The following NRXN3 variants were observed in gnomAD, a reference collection of about 807,000 sequenced individuals.
NRXN3 encodes neurexin III.
Under a neutral mutation model 137.6 loss-of-function variants are expected in NRXN3, and 32 were observed. That is an observed-to-expected ratio of 0.23 (90% CI 0.18 to 0.31). The LOEUF is 0.31. Among genes scored for constraint, NRXN3 ranks in the 10% least tolerant of loss-of-function variants. The pLI is 1.00. For synonymous variants in NRXN3, 798 were observed against 784.5 expected (o/e 1.02, Z -0.29); for missense variants, 1,574 against 2,062.5 (o/e 0.76, Z 4.59).
intron 6 of NRXN3, among the ~76,000 whole-genome samples, chr14:78,659,198 T>C (rs1308352820): frequency 2.6e-5 from 4 of 152,104 alleles, no homozygotes; most frequent in African/African-American, 7.2e-5. Flanking sequence ...AGGGAGAAGA[T>C]AGCCATCTAC....
intron 15 of NRXN3, among the ~76,000 whole-genome samples, chr14:79,044,804 G>A (rs2099630515): frequency 6.8e-6 from 1 of 147,406 alleles, no homozygotes; most frequent in Admixed American, 7.0e-5. Context: ...CAAATCCGGG[G>A]CTTTCTGATT....
At chr14:79,509,574 T>C (rs1355378794) in intron 16 of NRXN3, among the ~76,000 whole-genome samples, 2 of 151,168 alleles carry the variant, frequency 1.3e-5, no homozygotes, top group African/African-American at 4.9e-5. Flanking sequence ...TGTATATATA[T>C]ATGTGTGTAT....
chr14:78,977,888 A>G (rs1192737614), intron 14 of NRXN3, among the ~76,000 whole-genome samples: 1 of 152,070 alleles, frequency 6.6e-6, no homozygotes, highest in Non-Finnish European at 1.5e-5. Flanking sequence ...ACATGTTACA[A>G]ATCAGTTTTA....
chr14:79,517,390 T>C (rs2097002861), intron 16 of NRXN3, among the ~76,000 whole-genome samples: 1 of 152,144 alleles, frequency 6.6e-6, no homozygotes, highest in Non-Finnish European at 1.5e-5. Flanking sequence ...GATGCAAATA[T>C]CCTTTTCCTC....
intron 20 of NRXN3, among the ~76,000 whole-genome samples, chr14:79,839,754 C>T (rs533541011): frequency 3.4e-4 from 52 of 152,292 alleles, no homozygotes; most frequent in African/African-American, 1.2e-3. Flanking sequence ...CCAATGTTCT[C>T]TTCTAGTAGT....
intron 4 of NRXN3, among the ~76,000 whole-genome samples, chr14:78,312,451 G>T (rs189800586): frequency 5.5e-4 from 84 of 152,222 alleles, no homozygotes; most frequent in African/African-American, 1.9e-3. Context: ...CATGTTGAGT[G>T]CAATAAAGAT....
rs150537746 is a variant in NRXN3, at chr14:78,540,260, C to T, written c.758-104860C>T. Among the ~76,000 whole-genome samples, 87 of 152,164 alleles carry T rather than the reference C, an allele frequency of 5.7e-4. 1 individual carries two copies. Among genetic ancestry groups the T allele is most frequent in the African/African-American group, 1.9e-3 (78 of 41,512 alleles). On this transcript the variant is annotated intron_variant, in intron 4 of 20. Coordinates refer to ENST00000335750, the MANE Select transcript of NRXN3 (RefSeq NM_001330195.2). ...GGAGTCTAAGTCTCTTTGTAGGTCT[C>T]GAAGGACTTGCCTTATGAATCTGGG...
At chr14:78,234,432 C>T (rs1044584538) in intron 1 of NRXN3, among the ~76,000 whole-genome samples, 5 of 152,210 alleles carry the variant, frequency 3.3e-5, no homozygotes, top group African/African-American at 1.2e-4. Context: ...ATCTGTTTCA[C>T]AGAGAAGACA....
chr14:79,785,323 G>A (rs181699208), intron 19 of NRXN3, among the ~76,000 whole-genome samples: 9 of 152,150 alleles, frequency 5.9e-5, no homozygotes, highest in Non-Finnish European at 7.4e-5. Flanking sequence ...ACCTCCTCTC[G>A]GTCCTCTTTG....
intron 14 of NRXN3, among the ~76,000 whole-genome samples, chr14:78,980,232 C>T (rs1490682477): frequency 6.6e-6 from 1 of 152,218 alleles, no homozygotes; most frequent in Non-Finnish European, 1.5e-5. Context: ...AAGGAATGGA[C>T]ATTGAGAAGA....
At chr14:79,257,169 A>T (rs1231463724) in intron 15 of NRXN3, among the ~76,000 whole-genome samples, 2 of 152,034 alleles carry the variant, frequency 1.3e-5, no homozygotes, top group African/African-American at 4.8e-5. Context: ...GAAGGCAGGG[A>T]GGGCGAGGGG....
intron 4 of NRXN3, among the ~76,000 whole-genome samples, chr14:78,370,023 T>A (rs2086572601): frequency 6.6e-6 from 1 of 152,170 alleles, no homozygotes; most frequent in Admixed American, 6.5e-5. Flanking sequence ...GAGGTTCGTC[T>A]TTTTCCCTGG....
intron 15 of NRXN3, among the ~76,000 whole-genome samples, chr14:79,228,454 T>C (rs2071484063): frequency 6.6e-6 from 1 of 152,196 alleles, no homozygotes; most frequent in Admixed American, 6.5e-5. Context: ...CAACAGATGT[T>C]GCAATGCCAA....
intron 2 of NRXN3, among the ~76,000 whole-genome samples, chr14:78,262,772 T>C (rs2070983236): frequency 6.6e-6 from 1 of 152,042 alleles, no homozygotes; most frequent in Non-Finnish European, 1.5e-5. Context: ...CTTAGAGGAG[T>C]AGTGGAAAAT....
chr14:79,115,636 C>G (rs2054312068), intron 15 of NRXN3, among the ~76,000 whole-genome samples: 1 of 152,012 alleles, frequency 6.6e-6, no homozygotes, highest in South Asian at 2.1e-4. Context: ...CTTATTATTC[C>G]AAGTGAAAGT....
At chr14:78,267,487 T>G (rs1440834542) in intron 2 of NRXN3, among the ~76,000 whole-genome samples, 2 of 152,020 alleles carry the variant, frequency 1.3e-5, no homozygotes, top group Non-Finnish European at 2.9e-5. Flanking sequence ...AGGCCAGGAA[T>G]TTAAGAACAG....
intron 19 of NRXN3, among the ~76,000 whole-genome samples, chr14:79,713,097 G>T (rs1234698137): frequency 6.6e-6 from 1 of 151,518 alleles, no homozygotes; most frequent in Non-Finnish European, 1.5e-5. Context: ...AATGTTTTTG[G>T]GCATCCAATG....
chr14:78,529,580 T>C (rs1229561692), intron 4 of NRXN3, among the ~76,000 whole-genome samples: 1 of 152,144 alleles, frequency 6.6e-6, no homozygotes, highest in African/African-American at 2.4e-5. Context: ...TTGATTCTAC[T>C]TCTTTGTTTT....
At chr14:79,588,759 T>C (rs1471090355) in intron 16 of NRXN3, among the ~76,000 whole-genome samples, 1 of 152,168 alleles carries the variant, frequency 6.6e-6, no homozygotes. Flanking sequence ...CCAAAGCAAA[T>C]ATGCTTTGAG....
Sources: gnomAD v4.1 joint callset for allele counts (sites outside exome capture counted in the v4.1 genomes callset) on GRCh38, gnomAD v4.1.1 for gene constraint, MANE v1.5 for transcripts, NCBI Gene and HGNC (gene_info 2026-07-23, HGNC 2026-07-21) for gene names.